Variants in LIFR observed in about 807,000 individuals in gnomAD.
LIFR encodes the protein LIF receptor subunit alpha.
In LIFR, 84 loss-of-function variants were observed where a neutral mutation model predicts 122.2. That is an observed-to-expected ratio of 0.69 (90% CI 0.58 to 0.82). The LOEUF is 0.82. Among genes scored for constraint, LIFR ranks in the 40% least tolerant of loss-of-function variants. The pLI is 0.00. For synonymous variants in LIFR, 422 were observed against 434.7 expected (o/e 0.97, Z 0.36); for missense variants, 1,294 against 1,311.6 (o/e 0.99, Z 0.21).
rs1029707394 is a variant in LIFR at position 38,572,505 on chromosome 5, A to T, written c.-20+22756T>A. Among the ~76,000 whole-genome samples, 4 of 152,124 alleles carry T rather than the reference A, an allele frequency of 2.6e-5. No individual in the cohort carries two copies. The East Asian group carries it at 7.7e-4, about 29-fold the overall frequency. On this transcript the variant is annotated intron_variant, in intron 1 of 19. Coordinates refer to the LIFR transcript ENST00000263409. The stretch of plus-strand genomic sequence containing the variant: ...ACATGAGGTTTGGGTGGGGGCACAG[A>T]TCCAAACTATTGATTTGAAAATCCT...
chr5:38,480,290 A>G lies in LIFR; in HGVS notation c.*1305T>C, dbSNP rs1743920998. ...TCCTTCTGCTTTTCCAAGAACCACA[A>G]TCACTCCAGACATCGCTTATGAGAA... On this transcript the variant is annotated 3_prime_UTR_variant, in exon 20 of 20. Transcript: ENST00000453190. 4.4e-6 allele frequency: 1 copy of G among 226,890 alleles called. No homozygotes were observed. The highest frequency in any genetic ancestry group is 1.8e-4 in the South Asian group (1 of 5,482). 14.1% of individuals were successfully genotyped at this position (226,890 alleles called of 1,614,324 possible).
intron 1 of LIFR, among the ~76,000 whole-genome samples, chr5:38,579,904 G>A (rs928394856): frequency 2.0e-5 from 3 of 152,136 alleles, no homozygotes; most frequent in African/African-American, 4.8e-5. Context: ...ATTTAATAGT[G>A]TTAATGGAGA....
In LIFR at chr5:38,493,586, G is replaced by C; in HGVS notation, c.2065+20C>G. The C allele has an allele frequency of 6.2e-7, 1 of 1,607,708 alleles. No individual in the cohort carries two copies. Among genetic ancestry groups the C allele is most frequent in the Non-Finnish European group, 8.5e-7 (1 of 1,174,176 alleles). On this transcript the variant is annotated intron_variant, in intron 14 of 19. Coordinates refer to ENST00000453190, the MANE Select transcript of LIFR (RefSeq NM_001127671.2). ...AAAATATTTTGTAGAACTTAATTGAGAGACACTAATTCATCTTACCAGATT... is the reference window on the plus strand; with the variant it reads ...AAAATATTTTGTAGAACTTAATTGACAGACACTAATTCATCTTACCAGATT...
At chr5:38,605,106 C>G (rs10035414) in intron 2 of LIFR, among the ~76,000 whole-genome samples, 5,348 of 152,110 alleles carry the variant, frequency 0.035, 316 homozygotes, top group African/African-American at 0.12. Flanking sequence ...GGTTTCTTGT[C>G]AGACTTCAGG....
chr5:38,496,846 G>A (rs2112432318), intron 12 of LIFR, among the ~76,000 whole-genome samples: 1 of 152,106 alleles, frequency 6.6e-6, no homozygotes, highest in South Asian at 2.1e-4. Context: ...GTGTGGTGGT[G>A]AGCGCCTGTA....
chr5:38,492,060 TA>T (rs1252402301), intron 14 of LIFR, among the ~76,000 whole-genome samples: 1 of 152,086 alleles, frequency 6.6e-6, no homozygotes, highest in Non-Finnish European at 1.5e-5. Context: ...GAGAGAGGAA[TA>T]AAAGGTGTGC....
intron 2 of LIFR, chr5:38,606,126 T>C (rs1011696555): frequency 6.6e-6 from 1 of 152,154 alleles, no homozygotes; most frequent in African/African-American, 2.4e-5. Flanking sequence ...CCATGGATAA[T>C]GTGTGAGGCC....
intron 13 of LIFR, among the ~76,000 whole-genome samples, chr5:38,494,012 A>T (rs138599859): frequency 6.6e-6 from 1 of 152,332 alleles, no homozygotes; most frequent in Non-Finnish European, 1.5e-5. Flanking sequence ...CAGCTCAAAG[A>T]AAGTCGTTTT....
chr5:38,569,118 G>A (rs896414250), intron 1 of LIFR, among the ~76,000 whole-genome samples: 1 of 152,154 alleles, frequency 6.6e-6, no homozygotes, highest in Non-Finnish European at 1.5e-5. Context: ...GCACCATATC[G>A]CAACACCCTG....
chr5:38,496,850 G>A (rs976902417), intron 12 of LIFR, among the ~76,000 whole-genome samples: 12 of 152,014 alleles, frequency 7.9e-5, no homozygotes, highest in African/African-American at 2.2e-4. Context: ...GGTGGTGAGC[G>A]CCTGTAATCC....
intron 5 of LIFR, among the ~76,000 whole-genome samples, chr5:38,520,858 A>G (rs1005477879): frequency 5.3e-5 from 8 of 152,188 alleles, no homozygotes; most frequent in African/African-American, 1.9e-4. Flanking sequence ...TATATTTTGA[A>G]GTTGAGTAGT....
chr5:38,586,376 T>C (rs1480749915), intron 1 of LIFR, among the ~76,000 whole-genome samples: 1 of 151,848 alleles, frequency 6.6e-6, no homozygotes, highest in Non-Finnish European at 1.5e-5. Context: ...ACTTATAATG[T>C]TTAAATAAAA....
intron 1 of LIFR, among the ~76,000 whole-genome samples, chr5:38,588,229 C>A (rs1180228331): frequency 6.6e-6 from 1 of 152,166 alleles, no homozygotes; most frequent in Non-Finnish European, 1.5e-5. Flanking sequence ...CAAGGTCACA[C>A]AGGTGGAAAG....
In LIFR at chr5:38,513,325, G is replaced by A. The variant is rs1001564946; in HGVS notation, c.562-1361C>T. On this transcript the variant is annotated intron_variant, in intron 5 of 19. Coordinates refer to ENST00000453190, the MANE Select transcript of LIFR (RefSeq NM_001127671.2). ...TGTTTCTATCACAGAAATGCCAAAG[G>A]GCTCAGTGAGTGGCTATCCCAGGCT... is the stretch of plus-strand genomic sequence containing the variant. Among the ~76,000 whole-genome samples, 53 of 152,138 alleles carry A rather than the reference G, an allele frequency of 3.5e-4. 1 individual carries two copies. The highest frequency in any genetic ancestry group is 1.3e-3 in the African/African-American group (53 of 41,432).
chr5:38,525,353 T>A (rs1053074770), intron 4 of LIFR, among the ~76,000 whole-genome samples: 2 of 152,206 alleles, frequency 1.3e-5, no homozygotes, highest in African/African-American at 4.8e-5. Context: ...CTCATTTCTA[T>A]CCTAGAAGCT....
chr5:38,604,594 G>A (rs181236219), intron 2 of LIFR, among the ~76,000 whole-genome samples: 15 of 152,118 alleles, frequency 9.9e-5, no homozygotes, highest in East Asian at 5.8e-4. Flanking sequence ...TCAGCTACCC[G>A]GGAGGCTGAA....
At chr5:38,498,121 G>A (rs553343745) in intron 12 of LIFR, among the ~76,000 whole-genome samples, 23 of 152,242 alleles carry the variant, frequency 1.5e-4, no homozygotes, top group Admixed American at 1.4e-3. Context: ...CTAACACTGC[G>A]AAACACTCTG....
At chr5:38,571,520 A>T (rs1306937443) in intron 1 of LIFR, among the ~76,000 whole-genome samples, 2 of 109,526 alleles carry the variant, frequency 1.8e-5, no homozygotes, top group Non-Finnish European at 3.5e-5. Context: ...GTGCCACTGC[A>T]TTCCAGCTCA....
At chr5:38,608,366 G>C (rs1423200837), upstream of LIFR, 2 of 152,112 alleles carry the variant, frequency 1.3e-5, no homozygotes, top group Admixed American at 1.3e-4. Flanking sequence ...GCTGGTCTAA[G>C]AGCAGCCTGT....
Sources: gnomAD v4.1 joint callset for allele counts (sites outside exome capture counted in the v4.1 genomes callset) on GRCh38, gnomAD v4.1.1 for gene constraint, MANE v1.5 for transcripts, NCBI Gene and HGNC (gene_info 2026-07-23, HGNC 2026-07-21) for gene names.